Variants in USP49 observed in about 807,000 individuals in gnomAD.
The protein encoded by USP49 is ubiquitin carboxyl-terminal hydrolase 49.
Under a neutral mutation model 58.6 loss-of-function variants are expected in USP49, and 24 were observed. The observed-to-expected ratio is 0.41, with a 90% CI of 0.30 to 0.58. The LOEUF (loss-of-function observed/expected upper bound fraction) is 0.58. Ranked by LOEUF, USP49 falls within the 20% of genes least tolerant of loss-of-function variation. USP49 has a pLI of 0.30. For missense variants in USP49, 703 were observed against 866.1 expected (o/e 0.81, Z 2.36); for synonymous variants, 408 against 365.1 (o/e 1.12, Z -1.34).
At chr6:41,865,663 G>A (rs1014057930) in intron 3 of USP49, among the ~76,000 whole-genome samples, 1 of 151,918 alleles carries the variant, frequency 6.6e-6, no homozygotes, top group African/African-American at 2.4e-5. Context: ...TTAAGAGACA[G>A]GGTCTTGCTC....
At chr6:41,812,007 A>G (rs1178749652) in intron 3 of USP49, among the ~76,000 whole-genome samples, 3 of 152,040 alleles carry the variant, frequency 2.0e-5, no homozygotes, top group Non-Finnish European at 4.4e-5. Context: ...GCTACTTGTT[A>G]TATATACAGA....
At chr6:41,882,401 T>C (rs911509083) in intron 2 of USP49, among the ~76,000 whole-genome samples, 7 of 152,138 alleles carry the variant, frequency 4.6e-5, no homozygotes, top group Non-Finnish European at 7.3e-5. Flanking sequence ...GTGGATGGTA[T>C]TGGGAAATAA....
intron 3 of USP49, among the ~76,000 whole-genome samples, chr6:41,815,290 G>A (rs887332517): frequency 1.9e-4 from 29 of 151,966 alleles, no homozygotes; most frequent in South Asian, 1.3e-3. Context: ...GCATAGTGGC[G>A]GGCACCTGTA....
chr6:41,889,015 T>C (rs1029556293), intron 2 of USP49, among the ~76,000 whole-genome samples: 1 of 152,028 alleles, frequency 6.6e-6, no homozygotes, highest in Non-Finnish European at 1.5e-5. Context: ...AACTTATTTG[T>C]ATTAATCCCA....
intron 3 of USP49, among the ~76,000 whole-genome samples, chr6:41,821,455 C>T (rs1773451423): frequency 6.6e-6 from 1 of 152,196 alleles, no homozygotes; most frequent in Non-Finnish European, 1.5e-5. Flanking sequence ...TTCTCTCTTT[C>T]TGAAACTTCC....
intron 3 of USP49, among the ~76,000 whole-genome samples, chr6:41,850,241 A>G (rs893369359): frequency 1.3e-5 from 2 of 151,910 alleles, no homozygotes; most frequent in African/African-American, 2.4e-5. Context: ...TCAGGAGTTC[A>G]AGACCAGCCT....
chr6:41,815,365 G>T (rs548558840), intron 3 of USP49, among the ~76,000 whole-genome samples: 1 of 151,870 alleles, frequency 6.6e-6, no homozygotes, highest in East Asian at 1.9e-4. Context: ...AGCTTCCAGT[G>T]AGCCAAGATT....
chr6:41,806,331 T>G lies in USP49; in HGVS notation c.653A>C (p.Asp218Ala), dbSNP rs761639844. Reference sequence around the variant, plus strand: ...GGGGCGCGAGGCAGCCGGGCCCGCGTCGCGGGGCGTGTGCAGGAGCAGCCG... The same window carrying G: ...GGGGCGCGAGGCAGCCGGGCCCGCGGCGCGGGGCGTGTGCAGGAGCAGCCG... ...SARLLLHTPR[D>A]AGPAASRPAA... Residue 218 changes from aspartate (D) to alanine (A), a missense_variant, in exon 4 of 8, where the codon GAC becomes GCC. Transcript: ENST00000682992. The surrounding 1 kb of genome is among the most constrained non-coding windows in gnomAD (Gnocchi z 5.9). 11 of 1,530,972 alleles carry G rather than the reference T, an allele frequency of 7.2e-6. No homozygotes were observed. In the South Asian group the frequency reaches 1.4e-4, roughly 19 times the overall value. The allele number at this position is 1,530,972 out of a possible 1,614,324, so 94.8% of individuals were successfully genotyped here.
intron 3 of USP49, among the ~76,000 whole-genome samples, chr6:41,816,215 A>G (rs1352961773): frequency 6.6e-6 from 1 of 152,198 alleles, no homozygotes; most frequent in African/African-American, 2.4e-5. Flanking sequence ...TATCCTTGAC[A>G]CTATTTTTAG....
intron 3 of USP49, among the ~76,000 whole-genome samples, chr6:41,853,460 T>C (rs1774066126): frequency 6.6e-6 from 1 of 152,218 alleles, no homozygotes; most frequent in South Asian, 2.1e-4. Context: ...TAGAACTGTT[T>C]CACAGCAATG....
chr6:41,806,930 G>A lies in USP49; in HGVS notation c.54C>T (p.Ile18=). The part of the protein sequence containing the change: ...GRLRLAQDHS[I]LNPQKWCCLE... The stretch of plus-strand genomic sequence containing the variant: ...AGCAGCACCACTTCTGAGGGTTCAG[G>A]ATGGAGTGGTCCTGGGCGAGCCGTA... The change falls in exon 4 of 8, where the codon ATC becomes ATT. Residue 18 remains isoleucine, a synonymous_variant. Transcript: ENST00000682992. This position sits in a 1 kb window ranked among gnomAD's most constrained non-coding sequence, Gnocchi z 5.9. 6.2e-7 allele frequency: 1 copy of A among 1,612,356 alleles called. No homozygotes were observed. Among genetic ancestry groups the A allele is most frequent in the Non-Finnish European group, 8.5e-7 (1 of 1,179,324 alleles).
At chr6:41,840,026 T>C (rs969116436) in intron 3 of USP49, among the ~76,000 whole-genome samples, 7 of 152,028 alleles carry the variant, frequency 4.6e-5, no homozygotes, top group African/African-American at 1.7e-4. Flanking sequence ...CTGTAGTTTG[T>C]CTCAGCAAAT....
Position 41,831,990 on chromosome 6 carries a change from T to G in USP49, c.-28-24979A>C, listed in dbSNP as rs1037215445. Among the ~76,000 whole-genome samples the G allele has an allele frequency of 2.6e-5, 4 of 152,194 alleles. No homozygotes were observed. The South Asian group carries it at 6.2e-4, about 24-fold the overall frequency. On this transcript the variant is annotated intron_variant, in intron 3 of 7. Coordinates refer to ENST00000682992, the MANE Select transcript of USP49 (RefSeq NM_001286554.2). ...TTAGGTCCTGTCCTTTTTTAAAGGC[T>G]TTTCCTGACCATTCTACTACCCAGT...
intron 2 of USP49, among the ~76,000 whole-genome samples, chr6:41,880,918 ATTTAT>A (rs1774592692): frequency 6.6e-6 from 1 of 151,854 alleles, no homozygotes; most frequent in Non-Finnish European, 1.5e-5. Flanking sequence ...ACAGATTTTT[ATTTAT>A]TTTATTTATT....
At chr6:41,862,917 G>A (rs2127355616) in intron 3 of USP49, among the ~76,000 whole-genome samples, 1 of 152,122 alleles carries the variant, frequency 6.6e-6, no homozygotes, top group East Asian at 1.9e-4. Context: ...AGGATTACAG[G>A]CGTGCACTAC....
At chr6:41,890,207 G>A (rs547578741) in intron 2 of USP49, among the ~76,000 whole-genome samples, 1 of 151,882 alleles carries the variant, frequency 6.6e-6, no homozygotes, top group Non-Finnish European at 1.5e-5. Flanking sequence ...GTGAAATCCC[G>A]TCTCTACTAA....
chr6:41,798,597 C>A (rs1298377467), intron 7 of USP49, 127 bp downstream of exon 7: 1 of 1,580,644 alleles, frequency 6.3e-7, no homozygotes. Context: ...ATTCTTTCCA[C>A]TGGATTTTTG....
intron 3 of USP49, among the ~76,000 whole-genome samples, chr6:41,828,688 A>C (rs1773584126): frequency 6.6e-6 from 1 of 152,182 alleles, no homozygotes; most frequent in African/African-American, 2.4e-5. Flanking sequence ...TGTTTAAGGC[A>C]TCTTTTGTCA....
chr6:41,863,933 A>ATTTT (rs35693450), intron 3 of USP49, among the ~76,000 whole-genome samples: 3 of 137,674 alleles, frequency 2.2e-5, no homozygotes, highest in African/African-American at 8.1e-5. Context: ...AATTTTTGTA[A>ATTTT]TTTTTTTTTT....
Sources: allele counts gnomAD v4.1 joint callset (sites outside exome capture counted in the v4.1 genomes callset), GRCh38; gene constraint gnomAD v4.1.1; non-coding constraint Gnocchi (gnomAD v3.1); transcripts MANE v1.5; gene names NCBI Gene and HGNC (gene_info 2026-07-23, HGNC 2026-07-21).